The following FTCDNL1 variants were observed in gnomAD, a reference collection of about 807,000 sequenced individuals.
FTCDNL1 encodes the protein formiminotransferase cyclodeaminase N-terminal like, also known as formiminotransferase N-terminal subdomain-containing protein.
A neutral mutation model predicts 5.9 loss-of-function variants in FTCDNL1; 11 were observed. That is an observed-to-expected ratio of 1.87 (90% CI 1.18 to 3.10). FTCDNL1 has a LOEUF of 3.10. Among genes scored for constraint, FTCDNL1 ranks in the 30% most tolerant of loss-of-function variants. The pLI is 0.00. For synonymous variants in FTCDNL1, 58 were observed against 24.8 expected (o/e 2.34, Z -3.99); for missense variants, 115 against 65.5 (o/e 1.76, Z -2.61).
the FTCDNL1 span, among the ~76,000 whole-genome samples, chr2:199,708,215 C>T: frequency 6.6e-6 from 1 of 151,992 alleles, no homozygotes; most frequent in Non-Finnish European, 1.5e-5. Flanking sequence ...CCAATAATGC[C>T]ATCCAGAGAA....
chr2:199,711,552 TA>T, the FTCDNL1 span, among the ~76,000 whole-genome samples: 7 of 152,194 alleles, frequency 4.6e-5, no homozygotes, highest in Admixed American at 4.6e-4. Flanking sequence ...CTTATTCTAT[TA>T]TGGTATTTGG....
chr2:199,695,557 G>A, the FTCDNL1 span, among the ~76,000 whole-genome samples: 2 of 151,702 alleles, frequency 1.3e-5, no homozygotes, highest in Non-Finnish European at 2.9e-5. Flanking sequence ...TGAAGGGAGA[G>A]GAAGCTGGGA....
At chr2:199,787,066 C>A (rs1460539234) in intron 3 of FTCDNL1, among the ~76,000 whole-genome samples, 1 of 152,210 alleles carries the variant, frequency 6.6e-6, no homozygotes, top group African/African-American at 2.4e-5. Flanking sequence ...CTCTGACCTC[C>A]TTTACTGTCT....
At chr2:199,719,761 A>C in the FTCDNL1 span, among the ~76,000 whole-genome samples, 1 of 151,828 alleles carries the variant, frequency 6.6e-6, no homozygotes, top group Non-Finnish European at 1.5e-5. Context: ...TAACCTCCCA[A>C]GTAGCTGGGA....
At chr2:199,775,911 CCTTTTT>C (rs1699037625) in intron 3 of FTCDNL1, among the ~76,000 whole-genome samples, 1 of 127,348 alleles carries the variant, frequency 7.9e-6, no homozygotes, top group Non-Finnish European at 1.6e-5. Flanking sequence ...AGCAGGATCT[CCTTTTT>C]TTTTTTTTTT....
At position 199,811,087 on chromosome 2, in the gene FTCDNL1, G is replaced by A. The variant is rs1470288072; in HGVS notation, c.*1618C>T. ...TCCCGAGGCTGGGCCTCTTCCTCCT[G>A]GGAATTCTGCAGGAATGAATCAGAT... On this transcript the variant is annotated 3_prime_UTR_variant, in exon 5 of 5. Coordinates refer to ENST00000420128, the MANE Select transcript of FTCDNL1 (RefSeq NM_001363886.2). Among the ~76,000 whole-genome samples the A allele has an allele frequency of 6.6e-6, 1 of 152,072 alleles. No homozygotes were observed. Among genetic ancestry groups the A allele is most frequent in the Non-Finnish European group, 1.5e-5 (1 of 68,016 alleles).
chr2:199,848,247 G>C (rs761795644), intron 2 of FTCDNL1, among the ~76,000 whole-genome samples: 1 of 152,184 alleles, frequency 6.6e-6, no homozygotes, highest in African/African-American at 2.4e-5. Flanking sequence ...AATACTGGCC[G>C]AGGGAATAAG....
At chr2:199,780,011 T>C (rs1163973377) in intron 3 of FTCDNL1, among the ~76,000 whole-genome samples, 1 of 152,140 alleles carries the variant, frequency 6.6e-6, no homozygotes, top group African/African-American at 2.4e-5. Context: ...CAGCTAGCCC[T>C]GATGAAATAA....
intron 3 of FTCDNL1, among the ~76,000 whole-genome samples, chr2:199,772,509 G>C (rs1698863234): frequency 6.6e-6 from 1 of 151,882 alleles, no homozygotes; most frequent in Non-Finnish European, 1.5e-5. Flanking sequence ...GTAAATGTCA[G>C]TATGCTCTAT....
At chr2:199,822,650 C>T (rs1363556306) in intron 3 of FTCDNL1, among the ~76,000 whole-genome samples, 4 of 152,104 alleles carry the variant, frequency 2.6e-5, no homozygotes, top group African/African-American at 7.2e-5. Context: ...GTATTTTACC[C>T]GCAGTAAAAC....
the FTCDNL1 span, among the ~76,000 whole-genome samples, chr2:199,682,137 A>G: frequency 6.6e-6 from 1 of 152,120 alleles, no homozygotes; most frequent in African/African-American, 2.4e-5. Flanking sequence ...TTTAGATGAG[A>G]TTAACATGTA....
chr2:199,777,907 G>C (rs1335848566), intron 3 of FTCDNL1, among the ~76,000 whole-genome samples: 1 of 152,124 alleles, frequency 6.6e-6, no homozygotes, highest in African/African-American at 2.4e-5. Flanking sequence ...AGGAAGGGGT[G>C]CAGCTTAAAA....
chr2:199,680,542 T>C, the FTCDNL1 span, among the ~76,000 whole-genome samples: 2 of 152,302 alleles, frequency 1.3e-5, no homozygotes, highest in Admixed American at 1.3e-4. Context: ...ATTTGTGTAT[T>C]TGAAGAGCTA....
At chr2:199,686,141 G>T in the FTCDNL1 span, among the ~76,000 whole-genome samples, 2 of 152,212 alleles carry the variant, frequency 1.3e-5, no homozygotes, top group Admixed American at 1.3e-4. Context: ...TGTTCAGCGT[G>T]GGTGTGAACA....
intron 3 of FTCDNL1, among the ~76,000 whole-genome samples, chr2:199,794,048 G>A (rs1700060772): frequency 6.6e-6 from 1 of 152,186 alleles, no homozygotes. Flanking sequence ...AGTGGACTCT[G>A]ATGTGTCTTA....
At chr2:199,837,680 T>C (rs992319652) in intron 3 of FTCDNL1, among the ~76,000 whole-genome samples, 2 of 152,210 alleles carry the variant, frequency 1.3e-5, no homozygotes, top group Admixed American at 1.3e-4. Flanking sequence ...GAAAAAAATC[T>C]ACAAGGCTGA....
At chr2:199,821,540 G>T (rs539118446) in intron 3 of FTCDNL1, among the ~76,000 whole-genome samples, 1 of 151,410 alleles carries the variant, frequency 6.6e-6, no homozygotes, top group Non-Finnish European at 1.5e-5. Flanking sequence ...TCTTGGCTCA[G>T]TGCAACCTCA....
chr2:199,738,382 A>G, the FTCDNL1 span, among the ~76,000 whole-genome samples: 1 of 152,248 alleles, frequency 6.6e-6, no homozygotes, highest in Non-Finnish European at 1.5e-5. Flanking sequence ...CCAGAAGCAC[A>G]TCATGTTTAT....
At chr2:199,839,447 T>C (rs1158648543) in intron 3 of FTCDNL1, among the ~76,000 whole-genome samples, 3 of 152,074 alleles carry the variant, frequency 2.0e-5, no homozygotes, top group African/African-American at 7.2e-5. Flanking sequence ...AGAAAGTAAA[T>C]GTAGAGGACC....
Sources: gnomAD v4.1 joint callset for allele counts (sites outside exome capture counted in the v4.1 genomes callset) on GRCh38, gnomAD v4.1.1 for gene constraint, MANE v1.5 for transcripts, NCBI Gene and HGNC (gene_info 2026-07-23, HGNC 2026-07-21) for gene names.